The following AFF3 variants were observed in gnomAD, a reference collection of about 807,000 sequenced individuals.
AFF3 encodes the protein AF4/FMR2 family member 3.
A neutral mutation model predicts 129.7 loss-of-function variants in AFF3; 32 were observed. That is an observed-to-expected ratio of 0.25 (90% confidence interval 0.19 to 0.33). AFF3 has a LOEUF of 0.33. AFF3 is among the 10% of genes least tolerant of loss of function. AFF3 has a pLI of 1.00. For missense variants in AFF3, 1,373 were observed against 1,592.0 expected (o/e 0.86, Z 2.34); for synonymous variants, 644 against 635.4 (o/e 1.01, Z -0.20).
rs1678454472 is a variant in AFF3, at chr2:99,589,508, T to C, written c.2467-2230A>G. Among the ~76,000 whole-genome samples, 4 of 151,014 alleles carry C rather than the reference T, an allele frequency of 2.6e-5. No homozygotes were observed. The Admixed American group carries it at 2.7e-4, about 10-fold the overall frequency. ...CCTCTGCCTCCAGGGTTCAAGCGAT[T>C]CTCCTGCCTCAGCCTCCTGAGTAGC... On this transcript the variant is annotated intron_variant, in intron 15 of 24. Transcript: ENST00000672756.
chr2:100,112,232 G>C (rs556592570), intron 2 of AFF3, among the ~76,000 whole-genome samples: 32 of 152,352 alleles, frequency 2.1e-4, no homozygotes, highest in African/African-American at 7.7e-4. Context: ...GGAGCACATG[G>C]CCATGGAGAT....
At chr2:100,081,267 A>T (rs1332592785) in intron 4 of AFF3, among the ~76,000 whole-genome samples, 5 of 152,132 alleles carry the variant, frequency 3.3e-5, no homozygotes, top group Non-Finnish European at 5.9e-5. Flanking sequence ...CAAATATTTT[A>T]AAAAAGAAAA....
chr2:99,641,985 TA>T (rs1684246090), intron 13 of AFF3, among the ~76,000 whole-genome samples: 1 of 152,216 alleles, frequency 6.6e-6, no homozygotes, highest in African/African-American at 2.4e-5. Flanking sequence ...TTGTGTCTTC[TA>T]TAGAGACCAG....
chr2:99,830,880 T>C (rs1051065805), intron 8 of AFF3, among the ~76,000 whole-genome samples: 1 of 152,262 alleles, frequency 6.6e-6, no homozygotes, highest in Non-Finnish European at 1.5e-5. Context: ...GTTAGAATCA[T>C]TTCTATTCAT....
chr2:99,769,855 C>G (rs942116363), intron 8 of AFF3, among the ~76,000 whole-genome samples: 1 of 152,200 alleles, frequency 6.6e-6, no homozygotes, highest in African/African-American at 2.4e-5. Context: ...TGGAGTCTCT[C>G]TTTCTCCCTG....
In AFF3 at chr2:99,611,231, T is replaced by C. The variant is rs529909990; in HGVS notation, c.1185-9610A>G. Among the ~76,000 whole-genome samples the C allele has an allele frequency of 1.2e-4, 18 of 152,344 alleles. No homozygotes were observed. In the South Asian group the frequency reaches 3.7e-3, roughly 32 times the overall value. ...CTCAAGCTTGTTTTTAATTGCTTAC[T>C]GAAGCATTTTATGATGGCTGCTTTA... On this transcript the variant is annotated intron_variant, in intron 13 of 24. Coordinates refer to ENST00000672756, the MANE Select transcript of AFF3 (RefSeq NM_001386135.1).
At position 99,591,664 on chromosome 2, in the gene AFF3, G is replaced by A. The variant is rs77994050; in HGVS notation, c.2466+1531C>T. Among the ~76,000 whole-genome samples, 745 of 152,304 alleles carry A rather than the reference G, an allele frequency of 4.9e-3. 4 individuals carry two copies. Among genetic ancestry groups the A allele is most frequent in the Non-Finnish European group, 8.6e-3 (583 of 68,032 alleles). ...TAGTCCCCTTCTCAATCAGGGATTCGAAATAGCTGTGAAACGTATGTGTCC... is the reference window on the plus strand; with the variant it reads ...TAGTCCCCTTCTCAATCAGGGATTCAAAATAGCTGTGAAACGTATGTGTCC... On this transcript the variant is annotated intron_variant, in intron 15 of 24. Coordinates refer to ENST00000672756, the MANE Select transcript of AFF3 (RefSeq NM_001386135.1).
chr2:99,734,434 C>T (rs1575820758), intron 10 of AFF3, among the ~76,000 whole-genome samples: 1 of 152,090 alleles, frequency 6.6e-6, no homozygotes, highest in East Asian at 1.9e-4. Context: ...AAAAGTGGAA[C>T]TCATGTCTTG....
intron 4 of AFF3, among the ~76,000 whole-genome samples, chr2:100,024,790 A>G (rs1335247488): frequency 6.6e-6 from 1 of 152,174 alleles, no homozygotes; most frequent in Non-Finnish European, 1.5e-5. Flanking sequence ...AGATACAAAT[A>G]TTAAGTGAAA....
In AFF3 at chr2:99,962,424, T is replaced by C. The variant is rs1677316201; in HGVS notation, c.873+44208A>G. Among the ~76,000 whole-genome samples the C allele has an allele frequency of 4.6e-5, 7 of 152,058 alleles. No homozygotes were observed. In the South Asian group the frequency reaches 1.2e-3, roughly 27 times the overall value. ...CACAACCTGAATGGGAAAATACAAT[T>C]AGATGATGCCAATGCTGAGATGATC... On this transcript the variant is annotated intron_variant, in intron 7 of 24. Transcript: ENST00000672756.
Position 99,572,444 on chromosome 2 carries a change from C to T in AFF3, c.2919-3529G>A, listed in dbSNP as rs991276612. On this transcript the variant is annotated intron_variant, in intron 18 of 24. Transcript: ENST00000672756. ...CGGGATAGAGTTGAATGGTCTCCCA[C>T]GGAGAGCCTGGCAGACTCCTTTCTG... is the stretch of plus-strand genomic sequence containing the variant. Among the ~76,000 whole-genome samples the T allele has an allele frequency of 1.8e-4, 28 of 152,012 alleles. 1 individual carries two copies. The highest frequency in any genetic ancestry group is 3.8e-4 in the Non-Finnish European group (26 of 68,020).
intron 11 of AFF3, among the ~76,000 whole-genome samples, chr2:99,690,880 G>C (rs1675592824): frequency 1.3e-5 from 2 of 151,938 alleles, no homozygotes; most frequent in South Asian, 4.2e-4. Flanking sequence ...GGGAAAGGCA[G>C]AAGCAGAGAG....
chr2:99,650,394 A>G (rs1685126020), intron 12 of AFF3, among the ~76,000 whole-genome samples: 1 of 152,012 alleles, frequency 6.6e-6, no homozygotes. Context: ...TCCTGTCTCT[A>G]CTAAAAATAC....
intron 8 of AFF3, among the ~76,000 whole-genome samples, chr2:99,791,793 T>C (rs949400047): frequency 3.3e-5 from 5 of 152,198 alleles, no homozygotes; most frequent in Non-Finnish European, 7.3e-5. Flanking sequence ...TTGTGGTATA[T>C]TTAGTGCCAT....
intron 7 of AFF3, among the ~76,000 whole-genome samples, chr2:99,875,097 C>T (rs1692184816): frequency 6.6e-6 from 1 of 152,166 alleles, no homozygotes; most frequent in South Asian, 2.1e-4. Flanking sequence ...TTTTGAGTTT[C>T]TTGTGTCACT....
intron 16 of AFF3, among the ~76,000 whole-genome samples, 175 bp downstream of exon 16, chr2:99,586,979 A>G (rs1424928530): frequency 6.6e-6 from 1 of 152,078 alleles, no homozygotes; most frequent in Non-Finnish European, 1.5e-5. Context: ...TGGAGCTATA[A>G]TGTGTGGCAC....
chr2:100,081,991 G>T (rs1689078561), intron 4 of AFF3, among the ~76,000 whole-genome samples: 1 of 152,120 alleles, frequency 6.6e-6, no homozygotes, highest in Admixed American at 6.5e-5. Flanking sequence ...AAGCTCTTGT[G>T]CGTTTTTTAA....
At chr2:99,667,188 T>A (rs1686747204) in intron 12 of AFF3, among the ~76,000 whole-genome samples, 1 of 152,184 alleles carries the variant, frequency 6.6e-6, no homozygotes, top group African/African-American at 2.4e-5. Flanking sequence ...ACAGACTATG[T>A]TCTCTGACCA....
chr2:99,615,936 C>G (rs1385421474), intron 13 of AFF3, among the ~76,000 whole-genome samples: 1 of 152,214 alleles, frequency 6.6e-6, no homozygotes, highest in Non-Finnish European at 1.5e-5. Context: ...TTTCAGGCAC[C>G]AGGTCTATGG....
Sources: allele counts gnomAD v4.1 joint callset (sites outside exome capture counted in the v4.1 genomes callset), GRCh38; gene constraint gnomAD v4.1.1; transcripts MANE v1.5; gene names NCBI Gene and HGNC (gene_info 2026-07-23, HGNC 2026-07-21).